The following AP3S1 variants were observed in gnomAD, a reference collection of about 807,000 sequenced individuals.
AP3S1 encodes the protein AP-3 complex subunit sigma-1.
AP3S1 carries 12 observed loss-of-function variants against 21.3 expected under a neutral mutation model. The ratio of observed to expected loss-of-function variants is 0.56; its 90% CI spans 0.36 to 0.91. AP3S1 has a LOEUF of 0.91. Among genes scored for constraint, AP3S1 ranks in the 40% least tolerant of loss-of-function variants. The probability of loss-of-function intolerance (pLI) is 0.01; values close to 1 mark genes in which losing one functional copy is unlikely to be tolerated. For synonymous variants in AP3S1, 48 were observed against 78.4 expected (o/e 0.61, Z 2.05); for missense variants, 116 against 225.0 (o/e 0.52, Z 3.10).
At chr5:115,849,625 C>T (rs184533290) in intron 1 of AP3S1, among the ~76,000 whole-genome samples, 53 of 152,316 alleles carry the variant, frequency 3.5e-4, no homozygotes, top group Admixed American at 2.2e-3. Flanking sequence ...CTCTTTGAAT[C>T]ACACTTGCAT....
intron 5 of AP3S1, among the ~76,000 whole-genome samples, chr5:115,907,269 A>G (rs1212342229): frequency 6.6e-6 from 1 of 152,164 alleles, no homozygotes; most frequent in Non-Finnish European, 1.5e-5. Context: ...CCATCTCTAA[A>G]TTAGGATTCT....
At chr5:115,869,407 A>T (rs1164622781) in intron 2 of AP3S1, among the ~76,000 whole-genome samples, 1 of 152,180 alleles carries the variant, frequency 6.6e-6, no homozygotes, top group African/African-American at 2.4e-5. Flanking sequence ...GTAAGCACTT[A>T]CAAATGCCCC....
chr5:115,894,846 T>G (rs1750611055), intron 3 of AP3S1, among the ~76,000 whole-genome samples: 1 of 152,194 alleles, frequency 6.6e-6, no homozygotes, highest in South Asian at 2.1e-4. Context: ...CTTTCTAGTT[T>G]TAGTCCTTTT....
chr5:115,890,093 T>C (rs1332905446), intron 3 of AP3S1, among the ~76,000 whole-genome samples: 1 of 152,082 alleles, frequency 6.6e-6, no homozygotes, highest in Non-Finnish European at 1.5e-5. Context: ...TATTTGACAC[T>C]GTATACTAAA....
chr5:115,863,588 AAG>A lies in AP3S1; in HGVS notation c.70-3080_70-3079del, dbSNP rs1208018187. Among the ~76,000 whole-genome samples, 3 of 152,046 alleles carry A rather than the reference AAG, an allele frequency of 2.0e-5. No individual in the cohort carries two copies. In the South Asian group the frequency reaches 6.2e-4, roughly 32 times the overall value. The stretch of plus-strand genomic sequence containing the variant: ...TCCATCTCAAAAAAAAGAAAAGAAA[AAG>A]AAAATTCATGAATCTGTAGCTATAG... On this transcript the variant is annotated intron_variant, in intron 1 of 5. Transcript: ENST00000316788.
intron 3 of AP3S1, among the ~76,000 whole-genome samples, chr5:115,874,971 C>T (rs1748574883): frequency 6.6e-6 from 1 of 152,080 alleles, no homozygotes. Flanking sequence ...ATAATAATAA[C>T]ACCAATTCAC....
At chr5:115,899,135 C>T (rs576273229) in intron 4 of AP3S1, among the ~76,000 whole-genome samples, 1 of 152,328 alleles carries the variant, frequency 6.6e-6, no homozygotes, top group East Asian at 1.9e-4. Context: ...AGGCCTGTGT[C>T]TTTCATACCC....
intron 1 of AP3S1, among the ~76,000 whole-genome samples, chr5:115,862,092 G>C (rs1022642162): frequency 1.3e-5 from 2 of 151,934 alleles, no homozygotes; most frequent in Admixed American, 6.6e-5. Flanking sequence ...TTATCCTTCT[G>C]TGACTGGTGG....
intron 1 of AP3S1, among the ~76,000 whole-genome samples, chr5:115,848,618 A>G (rs1762228175): frequency 6.6e-6 from 1 of 152,200 alleles, no homozygotes; most frequent in Non-Finnish European, 1.5e-5. Context: ...TTGAAAGTCA[A>G]GAGTTCATTC....
chr5:115,885,606 G>A (rs1749711975), intron 3 of AP3S1, among the ~76,000 whole-genome samples: 1 of 152,152 alleles, frequency 6.6e-6, no homozygotes, highest in Non-Finnish European at 1.5e-5. Flanking sequence ...CCCACATTGA[G>A]GGCAGGTTTT....
chr5:115,887,665 T>A (rs1339887187), intron 3 of AP3S1, among the ~76,000 whole-genome samples: 2 of 152,170 alleles, frequency 1.3e-5, no homozygotes, highest in African/African-American at 4.8e-5. Context: ...CTAAAACAAC[T>A]CTATGATATA....
chr5:115,913,361 G>C lies in AP3S1; in HGVS notation c.454-1G>C. ...TTTCTTTTATTTGCTTCTGTATACA[G>C]GCTGGCTTAGCAGGAGCTCCAGCCC... On this transcript the variant is annotated splice_acceptor_variant, in intron 5 of 5. Coordinates refer to ENST00000316788, the MANE Select transcript of AP3S1 (RefSeq NM_001284.4). LOFTEE classifies it high-confidence loss of function. The C allele has an allele frequency of 6.2e-7, 1 of 1,612,284 alleles. No homozygotes were observed. The highest frequency in any genetic ancestry group is 8.5e-7 in the Non-Finnish European group (1 of 1,179,296).
At chr5:115,850,526 C>T (rs767662578) in intron 1 of AP3S1, among the ~76,000 whole-genome samples, 29 of 152,158 alleles carry the variant, frequency 1.9e-4, no homozygotes, top group Non-Finnish European at 4.1e-4. Context: ...CTATTCTCCC[C>T]TTCTCCTAGT....
At chr5:115,861,181 G>C (rs114154867) in intron 1 of AP3S1, among the ~76,000 whole-genome samples, 3,031 of 152,320 alleles carry the variant, frequency 0.02, 35 homozygotes, top group Non-Finnish European at 0.031. Context: ...AGTCAGGAAA[G>C]ACTTCATAGA....
intron 1 of AP3S1, chr5:115,852,859 T>A: frequency 3.2e-6 from 1 of 316,784 alleles, no homozygotes; most frequent in Non-Finnish European, 6.2e-6. Context: ...TGTATCTTGT[T>A]TGTCCATTTA....
intron 2 of AP3S1, 147 bp downstream of exon 2, chr5:115,866,908 C>T: frequency 2.4e-6 from 1 of 425,278 alleles, no homozygotes; most frequent in Non-Finnish European, 4.1e-6. Flanking sequence ...ATAAATCTAA[C>T]TTAAAGAATT....
chr5:115,843,755 A>G (rs1407309308), intron 1 of AP3S1, among the ~76,000 whole-genome samples: 1 of 152,274 alleles, frequency 6.6e-6, no homozygotes, highest in African/African-American at 2.4e-5. Flanking sequence ...TAATCGGTGT[A>G]TACTACTCGT....
chr5:115,855,523 A>G (rs937761180), intron 1 of AP3S1, among the ~76,000 whole-genome samples: 17 of 152,062 alleles, frequency 1.1e-4, no homozygotes, highest in Non-Finnish European at 2.2e-4. Flanking sequence ...TATTTTTTGT[A>G]GAGATGGGGT....
intron 3 of AP3S1, among the ~76,000 whole-genome samples, chr5:115,876,072 T>TA (rs1194061152): frequency 4.6e-5 from 7 of 152,284 alleles, no homozygotes; most frequent in African/African-American, 1.4e-4. Flanking sequence ...GTCAGGGTGT[T>TA]AGAGTCAGGT....
Sources: allele counts gnomAD v4.1 joint callset (sites outside exome capture counted in the v4.1 genomes callset), GRCh38; gene constraint gnomAD v4.1.1; transcripts MANE v1.5; gene names NCBI Gene and HGNC (gene_info 2026-07-23, HGNC 2026-07-21).